SMCHD1: variants seen among roughly 807,000 people sequenced by gnomAD.
The protein encoded by SMCHD1 is structural maintenance of chromosomes flexible hinge domain containing 1.
Under a neutral mutation model 254.7 loss-of-function variants are expected in SMCHD1, and 78 were observed. The ratio of observed to expected loss-of-function variants is 0.31; its 90% CI spans 0.26 to 0.37. The LOEUF is 0.37. Among genes scored for constraint, SMCHD1 ranks in the 10% least tolerant of loss-of-function variants. The pLI, the probability that SMCHD1 is intolerant of heterozygous loss-of-function variation, is 1.00. For missense variants in SMCHD1, 1,840 were observed against 2,408.1 expected, an observed-to-expected ratio of 0.76 and a Z score of 4.94; for synonymous variants, 766 against 794.9, an observed-to-expected ratio of 0.96 and a Z score of 0.61.
At position 2,685,342 on chromosome 18, in the gene SMCHD1, G is replaced by A. The variant is rs549406846; in HGVS notation, c.639-3052G>A. On this transcript the variant is annotated intron_variant, in intron 5 of 47. Transcript: ENST00000320876. Reference sequence around the variant, plus strand: ...TCTTGATCTCCTGACCTCGTGATCCGCCCACCTCGGCCTCCCAAAGTGCTG... The same window carrying A: ...TCTTGATCTCCTGACCTCGTGATCCACCCACCTCGGCCTCCCAAAGTGCTG... Among the ~76,000 whole-genome samples, 56 of 151,852 alleles carry A rather than the reference G, an allele frequency of 3.7e-4. 1 individual carries two copies. The South Asian group carries it at 1.0e-2, about 27-fold the overall frequency.
Position 2,761,975 on chromosome 18 carries a change from T to C in SMCHD1, c.4435-130T>C, listed in dbSNP as rs140396107. 507 of 745,942 alleles carry C rather than the reference T, an allele frequency of 6.8e-4. 4 individuals are homozygous for C. The East Asian group carries it at 0.014, about 20-fold the overall frequency. 46.2% of individuals were successfully genotyped at this position (745,942 alleles called of 1,614,324 possible). A position where few individuals can be genotyped will look rare whatever the true frequency, so the allele number is the denominator to read the frequency against. On this transcript the variant is annotated intron_variant, in intron 35 of 47. Coordinates refer to ENST00000320876, the MANE Select transcript of SMCHD1 (RefSeq NM_015295.3). ...AAGCAAATTGATTACTTTTAAAAGA[T>C]TAATGGAAATAAATTTTAGAAGGTA...
rs925175770 is a variant in SMCHD1, at chr18:2,803,869, T to A, written c.*1317T>A. On this transcript the variant is annotated 3_prime_UTR_variant, in exon 48 of 48. Transcript: ENST00000320876. ...GGATTTTGGTTTTTTGTGGGGTTTTTAAATTATTATTTTGGAATATTTGCA... is the reference window on the plus strand; with the variant it reads ...GGATTTTGGTTTTTTGTGGGGTTTTAAAATTATTATTTTGGAATATTTGCA... 6.6e-6 allele frequency: 1 copy of A among 152,194 alleles called. No individual in the cohort carries two copies. The highest frequency in any genetic ancestry group is 2.4e-5 in the African/African-American group (1 of 41,450). 9.4% of individuals were successfully genotyped at this position (152,194 alleles called of 1,614,324 possible).
chr18:2,788,639 C>G (rs956512180), intron 45 of SMCHD1, among the ~76,000 whole-genome samples: 2 of 152,128 alleles, frequency 1.3e-5, no homozygotes, highest in Non-Finnish European at 2.9e-5. Flanking sequence ...GAGTCTCGCT[C>G]TGTTGCCCAA....
intron 1 of SMCHD1, among the ~76,000 whole-genome samples, chr18:2,664,340 T>C (rs919427673): frequency 3.3e-5 from 5 of 150,488 alleles, no homozygotes; most frequent in Admixed American, 6.6e-5. Context: ...GGATCTGACA[T>C]AGTCCTCACA....
rs1026317745 is a variant in SMCHD1 at position 2,707,896 on chromosome 18, G to A, written c.2236G>A (p.Val746Ile). 1.1e-5 allele frequency: 18 copies of A among 1,601,294 alleles called. No individual in the cohort carries two copies. Among genetic ancestry groups the A allele is most frequent in the Middle Eastern group, 1.9e-4 (1 of 5,244 alleles). Reference sequence around the variant, plus strand: ...CCATGGAGGGTCAAAGAAACTCCTGGTTGAGCTCAAAGTTATTTTACATTG... The same window carrying A: ...CCATGGAGGGTCAAAGAAACTCCTGATTGAGCTCAAAGTTATTTTACATTG... Reference protein sequence around the residue: ...TSHGGSKKLLVELKVILHSSS... With the variant: ...TSHGGSKKLLIELKVILHSSS... Residue 746 changes from valine (V) to isoleucine (I), a missense_variant, in exon 17 of 48, where the codon GTT becomes ATT. Physicochemically the swap from Val to Ile is conservative, Grantham distance 29. Around this residue, in one of 9 missense-constraint regions of SMCHD1, gnomAD observed 498 missense variants for 743.5 expected, o/e 0.67. Coordinates refer to ENST00000320876, the MANE Select transcript of SMCHD1 (RefSeq NM_015295.3).
chr18:2,710,523 G>A (rs376707203), intron 17 of SMCHD1, among the ~76,000 whole-genome samples: 4 of 152,294 alleles, frequency 2.6e-5, no homozygotes, highest in African/African-American at 7.2e-5. Flanking sequence ...CCGTGAACAT[G>A]ATTTTGTATC....
chr18:2,774,111 A>T (rs557194070), intron 41 of SMCHD1, among the ~76,000 whole-genome samples: 1 of 152,098 alleles, frequency 6.6e-6, no homozygotes, highest in African/African-American at 2.4e-5. Context: ...AGGAAGATGT[A>T]GTAGCAGTTT....
At chr18:2,722,382 A>C in intron 19 of SMCHD1, 137 bp from the exon 20 acceptor site, 1 of 751,372 alleles carries the variant, frequency 1.3e-6, no homozygotes, top group Non-Finnish European at 2.1e-6. Context: ...TTTTGCGCTG[A>C]TTTTAAAATG....
chr18:2,700,333 G>T (rs2074373686), intron 10 of SMCHD1, among the ~76,000 whole-genome samples: 1 of 152,184 alleles, frequency 6.6e-6, no homozygotes, highest in Non-Finnish European at 1.5e-5. Context: ...TAGTACATTG[G>T]TTCATATATA....
At chr18:2,720,392 G>A (rs1238045537) in intron 19 of SMCHD1, among the ~76,000 whole-genome samples, 1 of 152,072 alleles carries the variant, frequency 6.6e-6, no homozygotes, top group Non-Finnish European at 1.5e-5. Context: ...ATTCTCTGAG[G>A]ATATTAATAA....
chr18:2,708,223 G>T (rs2074565736), intron 17 of SMCHD1, among the ~76,000 whole-genome samples: 1 of 141,542 alleles, frequency 7.1e-6, no homozygotes, highest in Non-Finnish European at 1.6e-5. Context: ...TATTATTACA[G>T]TTCTAATAAT....
At position 2,795,994 on chromosome 18, in the gene SMCHD1, T is replaced by G. The variant is rs2076256787; in HGVS notation, c.5765T>G (p.Val1922Gly). The G allele has an allele frequency of 6.3e-7, 1 of 1,598,290 alleles. No homozygotes were observed. Among genetic ancestry groups the G allele is most frequent in the Non-Finnish European group, 8.5e-7 (1 of 1,172,034 alleles). Reference protein sequence around the residue: ...YRSAVCKLDSVNKDLNSQLEY... With the variant: ...YRSAVCKLDSGNKDLNSQLEY... ...TCTGCTGTGTGCAAACTAGACAGTG[T>G]GAATAAGGATCTTAACAGTCAATTA... The change falls in exon 46 of 48, where the codon GTG (valine) becomes GGG (glycine). Residue 1922 changes from valine (V) to glycine (G), a missense_variant. Coordinates refer to ENST00000320876, the MANE Select transcript of SMCHD1 (RefSeq NM_015295.3).
intron 12 of SMCHD1, chr18:2,702,429 C>T (rs2074423768): frequency 6.6e-6 from 1 of 152,022 alleles, no homozygotes; most frequent in Admixed American, 6.6e-5. Flanking sequence ...TTGACTGTTA[C>T]TGAGTGTCTG....
intron 45 of SMCHD1, among the ~76,000 whole-genome samples, chr18:2,785,240 A>G (rs989867056): frequency 6.6e-5 from 10 of 152,354 alleles, no homozygotes; most frequent in Admixed American, 2.6e-4. Flanking sequence ...CTTAATTTAT[A>G]TAATTAATTC....
chr18:2,784,303 T>G (rs2076205448), intron 44 of SMCHD1, 147 bp from the exon 45 acceptor site: 1 of 628,038 alleles, frequency 1.6e-6, no homozygotes, highest in Non-Finnish European at 2.6e-6. Flanking sequence ...TCCCTCCAGT[T>G]TATCTTACAT....
At position 2,694,710 on chromosome 18, in the gene SMCHD1, G is replaced by A; in HGVS notation, c.1040+17G>A. ...ACAGTTAGCGTAAGTAATTATATTTGGCTTAGGAAATGTTGCTACTTAACT... is the reference window on the plus strand; with the variant it reads ...ACAGTTAGCGTAAGTAATTATATTTAGCTTAGGAAATGTTGCTACTTAACT... On this transcript the variant is annotated intron_variant, in intron 8 of 47. Transcript: ENST00000320876. The A allele has an allele frequency of 6.2e-7, 1 of 1,603,716 alleles. No individual in the cohort carries two copies. The highest frequency in any genetic ancestry group is 8.5e-7 in the Non-Finnish European group (1 of 1,176,452).
intron 19 of SMCHD1, among the ~76,000 whole-genome samples, chr18:2,721,856 A>G (rs1019092834): frequency 6.6e-6 from 1 of 152,152 alleles, no homozygotes; most frequent in Admixed American, 6.5e-5. Flanking sequence ...CTCAAATTTG[A>G]GTTTGTATCA....
intron 41 of SMCHD1, among the ~76,000 whole-genome samples, chr18:2,772,946 G>T (rs769686127): frequency 5.3e-5 from 8 of 152,202 alleles, no homozygotes; most frequent in Admixed American, 1.3e-4. Flanking sequence ...ACTATTATTT[G>T]TAGTATTTCT....
intron 34 of SMCHD1, among the ~76,000 whole-genome samples, chr18:2,753,864 A>G (rs759059002): frequency 2.0e-5 from 3 of 152,068 alleles, no homozygotes; most frequent in East Asian, 1.9e-4. Context: ...GCCCTTCCCA[A>G]CACGGTTTTG....
Sources: allele counts gnomAD v4.1 joint callset (sites outside exome capture counted in the v4.1 genomes callset), GRCh38; gene constraint gnomAD v4.1.1; regional missense constraint gnomAD v4.1.1; transcripts MANE v1.5; gene names NCBI Gene and HGNC (gene_info 2026-07-23, HGNC 2026-07-21).